Variants in KCNIP4 observed in about 807,000 individuals in gnomAD.
KCNIP4 encodes potassium voltage-gated channel interacting protein 4, also known as Kv channel-interacting protein 4.
A neutral mutation model predicts 34.0 loss-of-function variants in KCNIP4; 12 were observed. The ratio of observed to expected loss-of-function variants is 0.35; its 90% confidence interval spans 0.23 to 0.57. The LOEUF (loss-of-function observed/expected upper bound fraction) is 0.57. Ranked by LOEUF, KCNIP4 falls within the 20% of genes least tolerant of loss-of-function variation. The pLI, the probability that KCNIP4 is intolerant of heterozygous loss-of-function variation, is 0.83. For missense variants in KCNIP4, 238 were observed against 311.7 expected, an observed-to-expected ratio of 0.76 and a Z score of 1.78; for synonymous variants, 124 against 102.2, an observed-to-expected ratio of 1.21 and a Z score of -1.29.
At chr4:21,650,150 C>T (rs1747365641) in intron 1 of KCNIP4, among the ~76,000 whole-genome samples, 1 of 152,192 alleles carries the variant, frequency 6.6e-6, no homozygotes, top group Non-Finnish European at 1.5e-5. Flanking sequence ...ACCCACTCCA[C>T]AGGATCTGTA....
At chr4:21,538,117 T>TGCATTTATAA (rs1280041743) in intron 1 of KCNIP4, among the ~76,000 whole-genome samples, 31 of 150,868 alleles carry the variant, frequency 2.1e-4, no homozygotes, top group Middle Eastern at 7.1e-3. Flanking sequence ...ATTGGAGCGA[T>TGCATTTATAA]GCATTTATAA....
At chr4:20,995,976 T>A (rs895526166) in intron 1 of KCNIP4, among the ~76,000 whole-genome samples, 8 of 151,802 alleles carry the variant, frequency 5.3e-5, no homozygotes, top group Non-Finnish European at 1.0e-4. Context: ...AGGAGAGGAG[T>A]AAGAAAGTGG....
At chr4:20,979,492 G>C (rs955838333) in intron 1 of KCNIP4, among the ~76,000 whole-genome samples, 4 of 149,248 alleles carry the variant, frequency 2.7e-5, no homozygotes, top group Non-Finnish European at 5.9e-5. Context: ...TCCGCCTCCC[G>C]GGTTCACGCC....
intron 1 of KCNIP4, among the ~76,000 whole-genome samples, chr4:21,476,134 GT>G (rs1464352565): frequency 6.6e-6 from 1 of 152,144 alleles, no homozygotes; most frequent in Non-Finnish European, 1.5e-5. Context: ...CACTTCAGGT[GT>G]TTTTATCTTC....
chr4:20,873,758 T>C (rs1426229615), intron 2 of KCNIP4, among the ~76,000 whole-genome samples: 4 of 152,164 alleles, frequency 2.6e-5, no homozygotes, highest in Non-Finnish European at 5.9e-5. Context: ...TAACTTAAAA[T>C]CCCCATTGCC....
intron 1 of KCNIP4, among the ~76,000 whole-genome samples, chr4:21,256,491 G>A (rs1195285824): frequency 6.6e-6 from 1 of 151,722 alleles, no homozygotes; most frequent in Non-Finnish European, 1.5e-5. Context: ...TCCAGCTACT[G>A]GGGAGGCTGA....
At chr4:21,805,223 C>T (rs1721221895) in intron 1 of KCNIP4, among the ~76,000 whole-genome samples, 1 of 152,134 alleles carries the variant, frequency 6.6e-6, no homozygotes, top group African/African-American at 2.4e-5. Context: ...TATTACCAAA[C>T]AAAAGTTGGT....
intron 1 of KCNIP4, among the ~76,000 whole-genome samples, chr4:21,440,945 C>A (rs1448748919): frequency 1.3e-5 from 2 of 151,972 alleles, no homozygotes; most frequent in East Asian, 3.9e-4. Context: ...TTTTCCAAGA[C>A]CTTGAAGGCT....
At chr4:21,480,143 A>C (rs1731303769) in intron 1 of KCNIP4, among the ~76,000 whole-genome samples, 1 of 151,846 alleles carries the variant, frequency 6.6e-6, no homozygotes, top group Admixed American at 6.6e-5. Context: ...AAAACTGGTC[A>C]TAAATTCATA....
At chr4:21,552,190 T>C (rs1446231211) in intron 1 of KCNIP4, among the ~76,000 whole-genome samples, 1 of 152,116 alleles carries the variant, frequency 6.6e-6, no homozygotes, top group Non-Finnish European at 1.5e-5. Flanking sequence ...CAATATTTGC[T>C]TCCCCAGGTT....
chr4:21,543,512 G>A (rs999466136), intron 1 of KCNIP4, among the ~76,000 whole-genome samples: 34 of 151,942 alleles, frequency 2.2e-4, no homozygotes, highest in Non-Finnish European at 3.7e-4. Context: ...GATGATGTAA[G>A]TAAACTTCAA....
chr4:20,922,597 C>T (rs920813495), intron 1 of KCNIP4, among the ~76,000 whole-genome samples: 3 of 150,966 alleles, frequency 2.0e-5, no homozygotes, highest in African/African-American at 7.4e-5. Context: ...CCTATTGGTT[C>T]TATTTCTCTG....
chr4:21,237,887 G>T (rs1241430095), intron 1 of KCNIP4, among the ~76,000 whole-genome samples: 3 of 152,128 alleles, frequency 2.0e-5, no homozygotes, highest in Non-Finnish European at 4.4e-5. Context: ...TATGAGGCCA[G>T]TATCATCCTG....
chr4:21,575,823 A>G (rs1464343772), intron 1 of KCNIP4, among the ~76,000 whole-genome samples: 2 of 152,232 alleles, frequency 1.3e-5, no homozygotes, highest in African/African-American at 4.8e-5. Context: ...ATTTCAAAAG[A>G]AAATTATAAT....
In KCNIP4 at chr4:21,504,504, A is replaced by AAAGAAAGAAAGG. The variant is rs1451213413; in HGVS notation, c.61+444066_61+444067insCCTTTCTTTCTT. Among the ~76,000 whole-genome samples, 1,350 of 132,968 alleles carry AAAGAAAGAAAGG rather than the reference A, an allele frequency of 0.01. 37 individuals are homozygous for AAAGAAAGAAAGG. The East Asian group carries it at 0.11, about 11-fold the overall frequency. The allele number at this position is 132,968 out of a possible 152,430, so 87.2% of individuals were successfully genotyped here. A position where few individuals can be genotyped will look rare whatever the true frequency, so the allele number is the denominator to read the frequency against. On this transcript the variant is annotated intron_variant, in intron 1 of 8. Transcript: ENST00000382152. ...GAAAGAAAGAAAGAAAGAAAGAAAGAAAGGAAGGAAGGAAGAAAGCAAGCA... is the reference window on the plus strand; with the variant it reads ...GAAAGAAAGAAAGAAAGAAAGAAAGAAAGAAAGAAAGGAAGGAAGGAAGGAAGAAAGCAAGCA...
intron 1 of KCNIP4, among the ~76,000 whole-genome samples, chr4:21,075,218 G>T (rs1432939148): frequency 3.3e-5 from 5 of 152,126 alleles, no homozygotes. Context: ...TCATTGATCT[G>T]TCTAATGTTG....
At chr4:21,856,643 C>T (rs11944786) in intron 1 of KCNIP4, among the ~76,000 whole-genome samples, 1 of 151,914 alleles carries the variant, frequency 6.6e-6, no homozygotes, top group Non-Finnish European at 1.5e-5. Context: ...CCCACCTTCC[C>T]GGGCACACCT....
At chr4:20,886,765 C>A (rs983116610) in intron 1 of KCNIP4, among the ~76,000 whole-genome samples, 1 of 152,076 alleles carries the variant, frequency 6.6e-6, no homozygotes, top group African/African-American at 2.4e-5. Context: ...AAAGAATAGA[C>A]CTAAAGCTAG....
rs76437433 is a variant in KCNIP4, at chr4:21,048,643, A to G, written c.62-165934T>C. On this transcript the variant is annotated intron_variant, in intron 1 of 8. Coordinates refer to ENST00000382152, the MANE Select transcript of KCNIP4 (RefSeq NM_025221.6). ...CACACTGGTACACAGTGGGTACTCA[A>G]AATAAATTGTTGAGTGAAAGAATAC... 7.8e-3 allele frequency among the ~76,000 whole-genome samples: 1,183 copies of G among 152,312 alleles called. 23 individuals are homozygous for G. Among genetic ancestry groups the G allele is most frequent in the African/African-American group, 0.027 (1,125 of 41,564 alleles).
Sources: allele counts gnomAD v4.1 joint callset (sites outside exome capture counted in the v4.1 genomes callset), GRCh38; gene constraint gnomAD v4.1.1; transcripts MANE v1.5; gene names NCBI Gene and HGNC (gene_info 2026-07-23, HGNC 2026-07-21).